The following SORL1 variants were observed in gnomAD, a reference collection of about 807,000 sequenced individuals.
SORL1 encodes sortilin-related receptor.
Under a neutral mutation model 273.7 loss-of-function variants are expected in SORL1, and 127 were observed. The ratio of observed to expected loss-of-function variants is 0.46; its 90% confidence interval spans 0.40 to 0.54. The LOEUF (loss-of-function observed/expected upper bound fraction) is 0.54. Ranked by LOEUF, SORL1 falls within the 20% of genes least tolerant of loss-of-function variation. SORL1 has a pLI of 0.00. For synonymous variants in SORL1, 1,031 were observed against 1,067.4 expected (o/e 0.97, Z 0.66); for missense variants, 2,494 against 2,846.1 (o/e 0.88, Z 2.81).
intron 24 of SORL1, among the ~76,000 whole-genome samples, chr11:121,574,748 C>T (rs546866982): frequency 9.1e-4 from 139 of 152,236 alleles, no homozygotes; most frequent in Admixed American, 1.6e-3. Flanking sequence ...TTAGATTAGC[C>T]TTTGTTTTCT....
At position 121,589,319 on chromosome 11, in the gene SORL1, T is replaced by C. The variant is rs1274764654; in HGVS notation, c.4007T>C (p.Val1336Ala). Residue 1336 changes from valine (V) to alanine (A), a missense_variant, in exon 29 of 48, where the codon GTG becomes GCG. Coordinates refer to ENST00000260197, the MANE Select transcript of SORL1 (RefSeq NM_003105.6). ...DEFGFQCQNG[V>A]CISLIWKCDG... is the part of the protein sequence containing the mutation. The stretch of plus-strand genomic sequence containing the variant: ...TTCGGTTTCCAGTGTCAGAATGGAG[T>C]GTGCATCAGTTTGATTTGGAAGTGC... 5.0e-6 allele frequency: 8 copies of C among 1,613,680 alleles called. No individual in the cohort carries two copies. Among genetic ancestry groups the C allele is most frequent in the Non-Finnish European group, 6.8e-6 (8 of 1,179,778 alleles).
intron 3 of SORL1, among the ~76,000 whole-genome samples, chr11:121,482,140 G>A (rs1193343072): frequency 1.3e-5 from 2 of 152,192 alleles, no homozygotes; most frequent in South Asian, 2.1e-4. Context: ...TTTTGGACTT[G>A]AAGGAGGAGG....
rs1304893184 is a variant in SORL1 at position 121,633,137 on chromosome 11, G to C, written c.*3574G>C. On this transcript the variant is annotated 3_prime_UTR_variant, in exon 48 of 48. Transcript: ENST00000260197. ...CTATGCAAGACTGAGATATGGAATA[G>C]ATAGGAAGAGATATGTACTGCTGGG... 6.6e-6 allele frequency: 1 copy of C among 152,194 alleles called. No homozygotes were observed. Among genetic ancestry groups the C allele is most frequent in the Non-Finnish European group, 1.5e-5 (1 of 68,036 alleles). 9.4% of individuals were successfully genotyped at this position (152,194 alleles called of 1,614,324 possible). A position where few individuals can be genotyped will look rare whatever the true frequency, so the allele number is the denominator to read the frequency against.
Position 121,590,182 on chromosome 11 carries a change from G to C in SORL1, c.4213+8G>C. 1 of 1,613,670 alleles carries C rather than the reference G, an allele frequency of 6.2e-7. No individual in the cohort carries two copies. ...ATGAGAAGGATTGTGGAGGTAAGAG[G>C]CCCCTGGGGCCTGGGTTAGCCCCAT... On this transcript the variant is annotated splice_region_variant and intron_variant, in intron 30 of 47. Coordinates refer to ENST00000260197, the MANE Select transcript of SORL1 (RefSeq NM_003105.6).
At position 121,573,261 on chromosome 11, in the gene SORL1, T is replaced by C. The variant is rs1353439930; in HGVS notation, c.3338-980T>C. 3.9e-5 allele frequency among the ~76,000 whole-genome samples: 6 copies of C among 152,230 alleles called. No individual in the cohort carries two copies. In the East Asian group the frequency reaches 1.2e-3, roughly 29 times the overall value. On this transcript the variant is annotated intron_variant, in intron 23 of 47. Transcript: ENST00000260197. ...CTTGTTCCCTGGTTTATCTTCATAATAATGCTACCAAGTAAAGGCAGGTTA... is the reference window on the plus strand; with the variant it reads ...CTTGTTCCCTGGTTTATCTTCATAACAATGCTACCAAGTAAAGGCAGGTTA...
intron 33 of SORL1, among the ~76,000 whole-genome samples, 158 bp from the exon 34 acceptor site, chr11:121,604,955 G>A (rs1273794262): frequency 6.6e-6 from 1 of 151,498 alleles, no homozygotes; most frequent in Non-Finnish European, 1.5e-5. Context: ...ATTTTTAGTA[G>A]AGACGGGGTT....
At chr11:121,511,813 G>A (rs1861882193) in intron 6 of SORL1, among the ~76,000 whole-genome samples, 1 of 152,158 alleles carries the variant, frequency 6.6e-6, no homozygotes, top group South Asian at 2.1e-4. Context: ...GTACTGAATC[G>A]TTATATTGCA....
At position 121,452,757 on chromosome 11, in the gene SORL1, C is replaced by T; in HGVS notation, c.285+141C>T. 1 of 658,270 alleles carries T rather than the reference C, an allele frequency of 1.5e-6. No homozygotes were observed. The allele number at this position is 658,270 out of a possible 1,614,324, so 40.8% of individuals were successfully genotyped here. On this transcript the variant is annotated intron_variant, in intron 1 of 47. Coordinates refer to ENST00000260197, the MANE Select transcript of SORL1 (RefSeq NM_003105.6). This position sits in a 1 kb window ranked among gnomAD's most constrained non-coding sequence, Gnocchi z 5.3. ...GGCTTGCATTTGTTTTTTTCCTTCACGAGTACAACCGTCAGCACTTGAATC... is the reference window on the plus strand; with the variant it reads ...GGCTTGCATTTGTTTTTTTCCTTCATGAGTACAACCGTCAGCACTTGAATC...
At chr11:121,519,068 C>T (rs1288885775) in intron 8 of SORL1, among the ~76,000 whole-genome samples, 1 of 151,448 alleles carries the variant, frequency 6.6e-6, no homozygotes, top group Non-Finnish European at 1.5e-5. Context: ...CTGCCTCAGC[C>T]TCCCAAGTAG....
At chr11:121,466,676 G>A (rs114552998) in intron 1 of SORL1, among the ~76,000 whole-genome samples, 231 of 152,218 alleles carry the variant, frequency 1.5e-3, no homozygotes, top group African/African-American at 5.2e-3. Flanking sequence ...CCTGTCCTGC[G>A]CGCATCCATT....
rs190915380 is a variant in SORL1, at chr11:121,632,661, G to A, written c.*3098G>A. ...TTCTCAGAACTGGCCATTTTCAGGG[G>A]AAGCTTGGGAGAGCAATAGTATGGT... On this transcript the variant is annotated 3_prime_UTR_variant, in exon 48 of 48. Coordinates refer to ENST00000260197, the MANE Select transcript of SORL1 (RefSeq NM_003105.6). The A allele has an allele frequency of 2.6e-5, 4 of 151,854 alleles. No homozygotes were observed. The Admixed American group carries it at 2.6e-4, about 10-fold the overall frequency. 9.4% of individuals were successfully genotyped at this position (151,854 alleles called of 1,614,324 possible).
chr11:121,567,371 G>A lies in SORL1; in HGVS notation c.3223+258G>A, dbSNP rs144491424. On this transcript the variant is annotated intron_variant, in intron 22 of 47. Transcript: ENST00000260197. ...TTCTAAGTAGTAGCTGTGGTTTTTG[G>A]TTTCATGTCAGATGGCACAGGCTTT... 1.3e-4 allele frequency among the ~76,000 whole-genome samples: 20 copies of A among 152,292 alleles called. No homozygotes were observed. In the East Asian group the frequency reaches 2.1e-3, roughly 16 times the overall value.
At chr11:121,561,013 A>C (rs1043430050) in intron 21 of SORL1, among the ~76,000 whole-genome samples, 1 of 152,212 alleles carries the variant, frequency 6.6e-6, no homozygotes. Context: ...CCAGTGACTG[A>C]AATCTTCAGA....
chr11:121,628,934 C>G (rs1326532493), intron 47 of SORL1: 2 of 152,596 alleles, frequency 1.3e-5, no homozygotes, highest in Non-Finnish European at 2.9e-5. Flanking sequence ...TTCTTTGCTT[C>G]TGCCGTTGGA....
chr11:121,593,483 G>A (rs564017207), intron 31 of SORL1, among the ~76,000 whole-genome samples: 3 of 152,208 alleles, frequency 2.0e-5, no homozygotes, highest in Admixed American at 1.3e-4. Context: ...TTCTCCTTTC[G>A]GGACAGATTG....
At chr11:121,557,259 G>A (rs1412037330) in intron 18 of SORL1, 55 bp from the exon 19 acceptor site, 3 of 1,258,760 alleles carry the variant, frequency 2.4e-6, no homozygotes, top group Admixed American at 3.4e-5. Flanking sequence ...TTGGCAATGG[G>A]GGTCTTTAAG....
chr11:121,528,230 A>G, intron 11 of SORL1, among the ~76,000 whole-genome samples: 1 of 152,178 alleles, frequency 6.6e-6, no homozygotes, highest in East Asian at 1.9e-4. Context: ...GCACTTAGGA[A>G]GACCAAGGCA....
At chr11:121,516,974 C>T (rs1417570838) in intron 8 of SORL1, among the ~76,000 whole-genome samples, 1 of 152,124 alleles carries the variant, frequency 6.6e-6, no homozygotes, top group Non-Finnish European at 1.5e-5. Flanking sequence ...AATGCTTGAA[C>T]CTGGGAGGTA....
At chr11:121,598,001 G>C (rs1863324910) in intron 32 of SORL1, among the ~76,000 whole-genome samples, 1 of 152,164 alleles carries the variant, frequency 6.6e-6, no homozygotes, top group Non-Finnish European at 1.5e-5. Flanking sequence ...CCAAGGCTCA[G>C]AGGCATAAGA....
Sources: allele counts gnomAD v4.1 joint callset (sites outside exome capture counted in the v4.1 genomes callset), GRCh38; gene constraint gnomAD v4.1.1; non-coding constraint Gnocchi (gnomAD v3.1); transcripts MANE v1.5; gene names NCBI Gene and HGNC (gene_info 2026-07-23, HGNC 2026-07-21).